The following LRBA variants were observed in gnomAD, a reference collection of about 807,000 sequenced individuals.
LRBA encodes lipopolysaccharide-responsive and beige-like anchor protein.
In LRBA, 176 loss-of-function variants were observed where a neutral mutation model predicts 330.0. The ratio of observed to expected loss-of-function variants is 0.53; its 90% CI spans 0.47 to 0.60. The LOEUF (loss-of-function observed/expected upper bound fraction) is 0.60. Among genes scored for constraint, LRBA ranks in the 20% least tolerant of loss-of-function variants. The pLI, the probability that LRBA is intolerant of heterozygous loss-of-function variation, is 0.00. For missense variants in LRBA, 3,259 were observed against 3,444.8 expected, an observed-to-expected ratio of 0.95 and a Z score of 1.35; for synonymous variants, 1,230 against 1,193.0, an observed-to-expected ratio of 1.03 and a Z score of -0.64.
At chr4:150,442,893 G>A (rs1341638674) in intron 44 of LRBA, among the ~76,000 whole-genome samples, 1 of 152,138 alleles carries the variant, frequency 6.6e-6, no homozygotes. Context: ...TTCTTGATTA[G>A]GGAATAATGA....
At position 150,321,192 on chromosome 4, in the gene LRBA, A is replaced by G. The variant is rs1371433401; in HGVS notation, c.7629T>C (p.Pro2543=). The part of the protein sequence containing the change: ...LFAVNKWHNL[P]AHQGAVQDQP... The stretch of plus-strand genomic sequence containing the variant: ...TTATAATGGTATTTCTTTACTTACC[A>G]GGAAGGTTGTGCCATTTGTTCACCG... The change falls in exon 50 of 57, where the codon CCT becomes CCC. Residue 2543 remains proline (P), a splice_region_variant and synonymous_variant. Coordinates refer to ENST00000651943, the MANE Select transcript of LRBA (RefSeq NM_001364905.1). This position sits in a 1 kb window ranked among gnomAD's most constrained non-coding sequence, Gnocchi z 4.5. 1 of 1,607,170 alleles carries G rather than the reference A, an allele frequency of 6.2e-7. No homozygotes were observed. Among genetic ancestry groups the G allele is most frequent in the South Asian group, 1.1e-5 (1 of 89,580 alleles).
intron 2 of LRBA, among the ~76,000 whole-genome samples, chr4:150,976,250 C>T (rs1169071987): frequency 6.7e-6 from 1 of 148,654 alleles, no homozygotes; most frequent in Non-Finnish European, 1.5e-5. Context: ...ACTGACTAGA[C>T]AAATTTGTTG....
At chr4:150,440,940 GATA>G (rs2152004078) in intron 44 of LRBA, among the ~76,000 whole-genome samples, 1 of 152,098 alleles carries the variant, frequency 6.6e-6, no homozygotes, top group African/African-American at 2.4e-5. Flanking sequence ...CTGCTTATGA[GATA>G]ATAATGATAT....
chr4:150,838,000 T>C (rs1458951058), intron 28 of LRBA, among the ~76,000 whole-genome samples: 1 of 152,160 alleles, frequency 6.6e-6, no homozygotes, highest in African/African-American at 2.4e-5. Flanking sequence ...GTGACAAATC[T>C]CTCAGCATTT....
intron 8 of LRBA, among the ~76,000 whole-genome samples, chr4:150,914,555 A>T (rs1732372143): frequency 1.3e-5 from 2 of 152,148 alleles, no homozygotes; most frequent in Non-Finnish European, 2.9e-5. Flanking sequence ...TGTGTTCTCA[A>T]GCCAAACAAC....
intron 35 of LRBA, among the ~76,000 whole-genome samples, chr4:150,756,339 C>T (rs1734296065): frequency 6.6e-6 from 1 of 152,042 alleles, no homozygotes. Flanking sequence ...AAGGAGGCAA[C>T]CTAGCAGCCA....
At chr4:150,436,974 T>C (rs1751200774) in intron 44 of LRBA, 110 bp from the exon 45 acceptor site, 2 of 951,822 alleles carry the variant, frequency 2.1e-6, no homozygotes, top group Non-Finnish European at 3.2e-6. Context: ...ATTTTAAAAA[T>C]ATATACTACT....
chr4:150,644,445 A>C lies in LRBA; in HGVS notation c.5921+39106T>G, dbSNP rs946941847. ...GTCATTTACAGATGGTAAGTTAATT[A>C]AACTGAGTTTCATTTGACAGCCAAA... On this transcript the variant is annotated intron_variant, in intron 37 of 56. Transcript: ENST00000651943. Among the ~76,000 whole-genome samples, 5 of 152,116 alleles carry C rather than the reference A, an allele frequency of 3.3e-5. No individual in the cohort carries two copies. In the East Asian group the frequency reaches 7.7e-4, roughly 23 times the overall value.
rs1560850236 is a variant in LRBA at position 150,809,907 on chromosome 4, TACG to T, written c.5306-1512_5306-1510del. Among the ~76,000 whole-genome samples the T allele has an allele frequency of 7.7e-4, 113 of 147,508 alleles. 1 individual carries two copies. The highest frequency in any genetic ancestry group is 3.4e-3 in the Middle Eastern group (1 of 294). ...TACGATACGATACGATACGATACGA[TACG>T]ATACGATACGATACGATACGATACT... On this transcript the variant is annotated intron_variant, in intron 31 of 56. Transcript: ENST00000651943.
intron 40 of LRBA, among the ~76,000 whole-genome samples, chr4:150,512,261 T>C (rs1437111365): frequency 6.6e-6 from 1 of 152,206 alleles, no homozygotes; most frequent in Non-Finnish European, 1.5e-5. Context: ...CCAAATTTGT[T>C]GTATCTGGAG....
chr4:150,809,272 A>G (rs1743252587), intron 31 of LRBA, among the ~76,000 whole-genome samples: 1 of 152,216 alleles, frequency 6.6e-6, no homozygotes, highest in South Asian at 2.1e-4. Flanking sequence ...GTCCACTAAG[A>G]GGACACGGAA....
intron 47 of LRBA, among the ~76,000 whole-genome samples, chr4:150,351,390 A>G (rs2127061661): frequency 6.6e-6 from 1 of 152,278 alleles, no homozygotes; most frequent in Admixed American, 6.5e-5. Flanking sequence ...TCTAAAGCTT[A>G]ATTAAAAGTA....
rs17027133 is a variant in LRBA, at chr4:150,828,321, T to C, written c.5030A>G (p.Asn1677Ser). 8.7e-4 allele frequency: 1,409 copies of C among 1,614,168 alleles called. 3 individuals are homozygous for C. The African/African-American group carries it at 0.011, about 13-fold the overall frequency. The change falls in exon 30 of 57, where the codon AAT becomes AGT. Residue 1677 changes from asparagine to serine, a missense_variant. Coordinates refer to ENST00000651943, the MANE Select transcript of LRBA (RefSeq NM_001364905.1). The stretch of plus-strand genomic sequence containing the variant: ...CAAGCTTCGGAGAATGTCTTTCACA[T>C]TGACGTTTTTTGAAACTGAAACTGA... ...TPSVSVSKNV[N>S]VKDILRSLVN...
intron 47 of LRBA, among the ~76,000 whole-genome samples, chr4:150,414,754 G>A (rs960282867): frequency 6.6e-5 from 10 of 152,324 alleles, no homozygotes; most frequent in Admixed American, 6.5e-4. Flanking sequence ...GCCTCCCAAA[G>A]TGCTGGGATT....
At chr4:150,713,558 C>G (rs754555860) in intron 36 of LRBA, among the ~76,000 whole-genome samples, 1 of 152,118 alleles carries the variant, frequency 6.6e-6, no homozygotes, top group South Asian at 2.1e-4. Flanking sequence ...GTAACTGTAA[C>G]GTGGCAAAGT....
rs867066751 is a variant in LRBA at position 150,463,539 on chromosome 4, C to G, written c.6780+4134G>C. ...GCAACAGTTTTGTTTTGTTTTGCAG[C>G]CCCCCCTTTTTTACTTTTAATGTAG... On this transcript the variant is annotated intron_variant, in intron 44 of 56. Coordinates refer to ENST00000651943, the MANE Select transcript of LRBA (RefSeq NM_001364905.1). Among the ~76,000 whole-genome samples the G allele has an allele frequency of 4.1e-5, 6 of 145,392 alleles. 1 individual carries two copies. Among genetic ancestry groups the G allele is most frequent in the South Asian group, 2.1e-4 (1 of 4,792 alleles).
intron 44 of LRBA, among the ~76,000 whole-genome samples, chr4:150,455,796 T>G (rs1753983546): frequency 6.6e-6 from 1 of 152,064 alleles, no homozygotes; most frequent in Non-Finnish European, 1.5e-5. Flanking sequence ...TAATCATCCC[T>G]ACCTATACTC....
chr4:150,504,949 T>C (rs986373397), intron 40 of LRBA, among the ~76,000 whole-genome samples: 2 of 152,150 alleles, frequency 1.3e-5, no homozygotes, highest in African/African-American at 4.8e-5. Flanking sequence ...AAACAGACTT[T>C]AAACCAACAA....
At chr4:150,664,161 C>T (rs1163550446) in intron 37 of LRBA, among the ~76,000 whole-genome samples, 1 of 152,108 alleles carries the variant, frequency 6.6e-6, no homozygotes, top group Non-Finnish European at 1.5e-5. Flanking sequence ...GCTGCAATAG[C>T]ATTGAAAGAG....
Sources: allele counts gnomAD v4.1 joint callset (sites outside exome capture counted in the v4.1 genomes callset), GRCh38; gene constraint gnomAD v4.1.1; non-coding constraint Gnocchi (gnomAD v3.1); transcripts MANE v1.5; gene names NCBI Gene and HGNC (gene_info 2026-07-23, HGNC 2026-07-21).